The following KCNH7 variants were observed in gnomAD, a reference collection of about 807,000 sequenced individuals.
KCNH7 encodes voltage-gated inwardly rectifying potassium channel KCNH7.
A neutral mutation model predicts 120.8 loss-of-function variants in KCNH7; 49 were observed. The observed-to-expected ratio is 0.41, with a 90% CI of 0.32 to 0.51. The LOEUF is 0.51. KCNH7 is among the 20% of genes least tolerant of loss of function. The probability of loss-of-function intolerance (pLI) is 0.38; values close to 1 mark genes in which losing one functional copy is unlikely to be tolerated. For synonymous variants in KCNH7, 547 were observed against 516.1 expected, an observed-to-expected ratio of 1.06 and a Z score of -0.81; for missense variants, 1,097 against 1,446.6, an observed-to-expected ratio of 0.76 and a Z score of 3.92.
At chr2:162,654,688 T>C (rs1270317438) in intron 2 of KCNH7, among the ~76,000 whole-genome samples, 1 of 152,116 alleles carries the variant, frequency 6.6e-6, no homozygotes, top group African/African-American at 2.4e-5. Flanking sequence ...CAAACAGATA[T>C]CTGCACTCCC....
chr2:162,785,002 C>T (rs1314020592), intron 2 of KCNH7: 1 of 152,136 alleles, frequency 6.6e-6, no homozygotes, highest in Non-Finnish European at 1.5e-5. Context: ...GAAATTATGA[C>T]CAGACCATGA....
chr2:162,767,507 GT>G (rs1211180117), intron 2 of KCNH7, among the ~76,000 whole-genome samples: 17 of 151,976 alleles, frequency 1.1e-4, no homozygotes, highest in Admixed American at 7.2e-4. Flanking sequence ...TGCTATTGGA[GT>G]TTCATTGTTT....
intron 11 of KCNH7, among the ~76,000 whole-genome samples, chr2:162,396,183 A>G (rs1288004448): frequency 6.6e-6 from 1 of 151,808 alleles, no homozygotes; most frequent in Non-Finnish European, 1.5e-5. Flanking sequence ...TATTTAAACT[A>G]TTATTTCTGT....
intron 2 of KCNH7, among the ~76,000 whole-genome samples, chr2:162,768,720 G>A (rs1485130539): frequency 6.6e-6 from 1 of 152,168 alleles, no homozygotes; most frequent in Non-Finnish European, 1.5e-5. Flanking sequence ...CCAGGAGCAA[G>A]TCTTCCAGCT....
intron 2 of KCNH7, among the ~76,000 whole-genome samples, chr2:162,637,985 G>A (rs73028551): frequency 0.028 from 4,229 of 152,146 alleles, 211 homozygotes; most frequent in African/African-American, 0.097. Flanking sequence ...GCAAGCCTAT[G>A]GAGGAGCATT....
At chr2:162,752,911 AAG>A (rs1559116106) in intron 2 of KCNH7, among the ~76,000 whole-genome samples, 2 of 45,018 alleles carry the variant, frequency 4.4e-5, no homozygotes, top group Non-Finnish European at 8.2e-5. Flanking sequence ...AGAAAAAGAA[AAG>A]AAAAGAAAAG....
chr2:162,635,841 G>C (rs1683937538), intron 2 of KCNH7, among the ~76,000 whole-genome samples: 1 of 152,044 alleles, frequency 6.6e-6, no homozygotes, highest in Non-Finnish European at 1.5e-5. Flanking sequence ...ACACAAGAAA[G>C]CTCAAATTCC....
At chr2:162,678,627 C>G (rs1406739175) in intron 2 of KCNH7, among the ~76,000 whole-genome samples, 1 of 151,382 alleles carries the variant, frequency 6.6e-6, no homozygotes, top group Admixed American at 6.6e-5. Flanking sequence ...ATTCTGGGGT[C>G]TTTTTCTGTG....
chr2:162,565,004 T>C (rs1020117366), intron 2 of KCNH7, among the ~76,000 whole-genome samples: 1 of 152,106 alleles, frequency 6.6e-6, no homozygotes, highest in Admixed American at 6.6e-5. Context: ...TAATGGTATA[T>C]CCCCTTAACC....
chr2:162,620,843 T>C (rs1467566814), intron 2 of KCNH7, among the ~76,000 whole-genome samples: 1 of 152,120 alleles, frequency 6.6e-6, no homozygotes, highest in Non-Finnish European at 1.5e-5. Flanking sequence ...ATAATTCCTT[T>C]GCTCAATAAT....
chr2:162,689,697 G>T (rs1005113673), intron 2 of KCNH7, among the ~76,000 whole-genome samples: 1 of 151,946 alleles, frequency 6.6e-6, no homozygotes, highest in Admixed American at 6.6e-5. Context: ...ATTCTTCAAT[G>T]TTTAATATAA....
At chr2:162,805,700 AT>A (rs923974705) in intron 2 of KCNH7, among the ~76,000 whole-genome samples, 6 of 152,158 alleles carry the variant, frequency 3.9e-5, no homozygotes, top group Non-Finnish European at 7.4e-5. Context: ...CTAAAAGTAG[AT>A]TTACCATTCA....
At chr2:162,486,972 C>T (rs74888743) in intron 6 of KCNH7, among the ~76,000 whole-genome samples, 526 of 152,214 alleles carry the variant, frequency 3.5e-3, no homozygotes, top group Non-Finnish European at 6.2e-3. Context: ...CTGGGACATC[C>T]TTGGGAGACA....
intron 2 of KCNH7, among the ~76,000 whole-genome samples, chr2:162,732,269 C>T (rs1390491219): frequency 6.6e-6 from 1 of 152,140 alleles, no homozygotes; most frequent in Admixed American, 6.5e-5. Flanking sequence ...CATGACGTGA[C>T]AGCCTCTGAT....
intron 6 of KCNH7, among the ~76,000 whole-genome samples, chr2:162,470,933 T>C (rs1381938276): frequency 6.6e-6 from 1 of 152,212 alleles, no homozygotes; most frequent in Non-Finnish European, 1.5e-5. Flanking sequence ...ATCCTGTTGA[T>C]CTCTGACCTT....
At position 162,667,955 on chromosome 2, in the gene KCNH7, A is replaced by G. The variant is rs577452745; in HGVS notation, c.308-130875T>C. Among the ~76,000 whole-genome samples, 8 of 152,338 alleles carry G rather than the reference A, an allele frequency of 5.3e-5. No individual in the cohort carries two copies. In the South Asian group the frequency reaches 1.7e-3, roughly 32 times the overall value. On this transcript the variant is annotated intron_variant, in intron 2 of 15. Transcript: ENST00000332142. ...TAAATATTTATTGGATGATTAAAGT[A>G]GATAACATTGTTAGGCTTCAGTTTA...
At chr2:162,446,589 T>C in intron 6 of KCNH7, 146 bp from the exon 7 acceptor site, 2 of 618,118 alleles carry the variant, frequency 3.2e-6, no homozygotes, top group South Asian at 2.2e-5. Context: ...AACACACACA[T>C]ACATTACATA....
intron 2 of KCNH7, among the ~76,000 whole-genome samples, chr2:162,675,378 T>C (rs1265757225): frequency 1.3e-5 from 2 of 151,426 alleles, no homozygotes; most frequent in East Asian, 1.9e-4. Context: ...AGAAAATAAA[T>C]TGATACAATT....
chr2:162,523,626 C>T lies in KCNH7; in HGVS notation c.464-5468G>A, dbSNP rs545464914. On this transcript the variant is annotated intron_variant, in intron 3 of 15. Coordinates refer to ENST00000332142, the MANE Select transcript of KCNH7 (RefSeq NM_033272.4). ...TACAGTTTGGAAGAAAACTATGACA[C>T]CCACTTTTGACTTCAACCAATTCTT... Among the ~76,000 whole-genome samples the T allele has an allele frequency of 8.6e-5, 13 of 151,890 alleles. 1 individual carries two copies. In the South Asian group the frequency reaches 2.7e-3, roughly 32 times the overall value.
Sources: allele counts gnomAD v4.1 joint callset (sites outside exome capture counted in the v4.1 genomes callset), GRCh38; gene constraint gnomAD v4.1.1; transcripts MANE v1.5; gene names NCBI Gene and HGNC (gene_info 2026-07-23, HGNC 2026-07-21).